ZNF334: variants seen among roughly 807,000 people sequenced by gnomAD.
ZNF334 encodes the protein zinc finger protein 334.
A neutral mutation model predicts 12.4 loss-of-function variants in ZNF334; 14 were observed. That is an observed-to-expected ratio of 1.13 (90% CI 0.74 to 1.76). The LOEUF (loss-of-function observed/expected upper bound fraction) is 1.76. ZNF334 is among the 40% of genes most tolerant of loss of function. The pLI is 0.00. For synonymous variants in ZNF334, 273 were observed against 269.6 expected, an observed-to-expected ratio of 1.01 and a Z score of -0.12; for missense variants, 797 against 804.5, an observed-to-expected ratio of 0.99 and a Z score of 0.11.
the ZNF334 span, among the ~76,000 whole-genome samples, chr20:46,470,634 A>G: frequency 1.3e-5 from 2 of 152,158 alleles, no homozygotes; most frequent in African/African-American, 4.8e-5. Context: ...TTACACTTTA[A>G]CCACCCAAGC....
the ZNF334 span, among the ~76,000 whole-genome samples, chr20:46,478,290 T>C: frequency 6.6e-6 from 1 of 152,122 alleles, no homozygotes; most frequent in Non-Finnish European, 1.5e-5. Context: ...CATTAATCAG[T>C]ACAAAAAAGA....
chr20:46,501,190 A>G lies in ZNF334; in HGVS notation c.*106T>C, dbSNP rs867346820. 3.5e-5 allele frequency: 50 copies of G among 1,443,072 alleles called. No individual in the cohort carries two copies. The African/African-American group carries it at 5.8e-4, about 17-fold the overall frequency. The allele number at this position is 1,443,072 out of a possible 1,614,324, so 89.4% of individuals were successfully genotyped here. A position where few individuals can be genotyped will look rare whatever the true frequency, so the allele number is the denominator to read the frequency against. On this transcript the variant is annotated 3_prime_UTR_variant, in exon 5 of 5. Coordinates refer to ENST00000692313, the MANE Select transcript of ZNF334 (RefSeq NM_001353824.2). ...GACTTATGGCAGAAAAATTTTCCAT[A>G]TTCATTACATTTATAAGATTTTACT...
chr20:46,463,217 A>G, the ZNF334 span, among the ~76,000 whole-genome samples: 3 of 152,206 alleles, frequency 2.0e-5, no homozygotes, highest in Non-Finnish European at 4.4e-5. Flanking sequence ...ACTGTACTCC[A>G]GCCAGGGAGC....
At chr20:46,483,088 T>C in the ZNF334 span, among the ~76,000 whole-genome samples, 6 of 152,222 alleles carry the variant, frequency 3.9e-5, no homozygotes, top group South Asian at 1.2e-3. Flanking sequence ...GTGTGATTGA[T>C]GGCTTGGTTA....
chr20:46,476,459 CTGG>C, the ZNF334 span: 3 of 152,128 alleles, frequency 2.0e-5, no homozygotes, highest in African/African-American at 7.2e-5. Context: ...CCTCAATATC[CTGG>C]TTTTGATATT....
At chr20:46,487,226 G>A in the ZNF334 span, among the ~76,000 whole-genome samples, 10 of 151,932 alleles carry the variant, frequency 6.6e-5, no homozygotes, top group African/African-American at 1.9e-4. Context: ...TCAGCATTAC[G>A]GGTTTAAAAT....
chr20:46,467,974 C>A, the ZNF334 span, among the ~76,000 whole-genome samples: 1 of 152,180 alleles, frequency 6.6e-6, no homozygotes, highest in Non-Finnish European at 1.5e-5. Flanking sequence ...ACTGACATAA[C>A]CAAAGAACAA....
rs536106348 is a variant in ZNF334, at chr20:46,503,616, G to A, written c.242-519C>T. ...ATTTTTGCAGTGACATGGAACTCTC[G>A]AATTTGTACAGTGCAAAGGGAAGTA... On this transcript the variant is annotated intron_variant, in intron 4 of 4. Transcript: ENST00000692313. 4.6e-5 allele frequency among the ~76,000 whole-genome samples: 7 copies of A among 152,214 alleles called. No homozygotes were observed. In the East Asian group the frequency reaches 1.4e-3, roughly 29 times the overall value.
rs1057029062 is a variant in ZNF334, at chr20:46,499,830, C to T, written c.*1466G>A. On this transcript the variant is annotated 3_prime_UTR_variant, in exon 5 of 5. Coordinates refer to ENST00000692313, the MANE Select transcript of ZNF334 (RefSeq NM_001353824.2). ...ACACATGTATATGTGTGTATACATA[C>T]ATTTATCTGTCCTGAAGGACATAAA... The T allele has an allele frequency of 6.6e-6, 1 of 152,118 alleles. No individual in the cohort carries two copies. Among genetic ancestry groups the T allele is most frequent in the Admixed American group, 6.5e-5 (1 of 15,272 alleles). The allele number at this position is 152,118 out of a possible 1,614,324, so 9.4% of individuals were successfully genotyped here.
intron 3 of ZNF334, 100 bp from the exon 4 acceptor site, chr20:46,504,406 G>A (rs2061360330): frequency 1.7e-6 from 2 of 1,204,572 alleles, no homozygotes; most frequent in African/African-American, 1.5e-5. Flanking sequence ...CAATGAAGAT[G>A]CCCAGCAATA....
chr20:46,501,266 C>T lies in ZNF334; in HGVS notation c.*30G>A. On this transcript the variant is annotated 3_prime_UTR_variant, in exon 5 of 5. Transcript: ENST00000692313. ...ATTGTGTAAGTTATTTGATTTGTTG[C>T]TTTGTTGGAATTTATTACTTTGTTG... 6.3e-7 allele frequency: 1 copy of T among 1,585,918 alleles called. No individual in the cohort carries two copies. The highest frequency in any genetic ancestry group is 8.6e-7 in the Non-Finnish European group (1 of 1,166,700).
intron 2 of ZNF334, among the ~76,000 whole-genome samples, chr20:46,506,942 T>C (rs1467310470): frequency 6.9e-6 from 1 of 145,660 alleles, no homozygotes; most frequent in East Asian, 2.0e-4. Flanking sequence ...TGAGACCCCA[T>C]CTCTCAAAAA....
At chr20:46,503,671 G>T (rs151138772) in intron 4 of ZNF334, among the ~76,000 whole-genome samples, 1 of 152,184 alleles carries the variant, frequency 6.6e-6, no homozygotes, top group Non-Finnish European at 1.5e-5. Flanking sequence ...GCTGGGACTA[G>T]AGGAAGGCAA....
At chr20:46,484,129 T>C in the ZNF334 span, among the ~76,000 whole-genome samples, 5 of 152,136 alleles carry the variant, frequency 3.3e-5, no homozygotes, top group African/African-American at 1.2e-4. Context: ...GCAGGACGAA[T>C]TCCCTTATCA....
intron 2 of ZNF334, 103 bp from the exon 3 acceptor site, chr20:46,504,843 TAG>T: frequency 9.9e-7 from 1 of 1,014,680 alleles, no homozygotes; most frequent in Non-Finnish European, 1.4e-6. Flanking sequence ...TGGAAAGCTA[TAG>T]AGAGATGTAA....
chr20:46,485,470 A>G, the ZNF334 span: 1 of 151,342 alleles, frequency 6.6e-6, no homozygotes, highest in Non-Finnish European at 1.5e-5. Context: ...CTGGAGAGAG[A>G]CTGATTTTCT....
At chr20:46,492,361 G>C in the ZNF334 span, 1 of 152,930 alleles carries the variant, frequency 6.5e-6, no homozygotes. Context: ...CTAAACATCA[G>C]AAAACCCATT....
chr20:46,509,795 A>G (rs1272162336), intron 2 of ZNF334: 1 of 642,240 alleles, frequency 1.6e-6, no homozygotes, highest in Non-Finnish European at 2.8e-6. Context: ...GCATTAACTA[A>G]GAGAGATAAA....
At chr20:46,481,222 G>C in the ZNF334 span, 1 of 152,190 alleles carries the variant, frequency 6.6e-6, no homozygotes, top group East Asian at 1.9e-4. Flanking sequence ...AATTTACAGG[G>C]CTAAAGACAT....
Sources: allele counts gnomAD v4.1 joint callset (sites outside exome capture counted in the v4.1 genomes callset), GRCh38; gene constraint gnomAD v4.1.1; transcripts MANE v1.5; gene names NCBI Gene and HGNC (gene_info 2026-07-23, HGNC 2026-07-21).